Variants in ACYP2 observed in about 807,000 individuals in gnomAD.
ACYP2 encodes acylphosphatase-2.
A neutral mutation model predicts 11.2 loss-of-function variants in ACYP2; 12 were observed. The observed-to-expected ratio is 1.08, with a 90% CI of 0.69 to 1.74. The LOEUF (loss-of-function observed/expected upper bound fraction) is 1.74. Ranked by LOEUF, ACYP2 falls within the 40% of genes most tolerant of loss-of-function variation. The pLI is 0.00. For synonymous variants in ACYP2, 43 were observed against 32.2 expected, an observed-to-expected ratio of 1.33 and a Z score of -1.13; for missense variants, 134 against 101.9, an observed-to-expected ratio of 1.31 and a Z score of -1.35.
chr2:54,027,377 C>CCAGGGAAGAAATATCTTCCCT (rs1674341138), intron 2 of ACYP2, among the ~76,000 whole-genome samples: 5 of 152,126 alleles, frequency 3.3e-5, no homozygotes, highest in Non-Finnish European at 7.3e-5. Flanking sequence ...CTGTCCTGCC[C>CCAGGGAAGAAATATCTTCCCT]TGTATCCCAG....
At chr2:54,164,898 TC>T (rs1682884089) in intron 6 of ACYP2, among the ~76,000 whole-genome samples, 2 of 152,158 alleles carry the variant, frequency 1.3e-5, no homozygotes, top group Admixed American at 1.3e-4. Flanking sequence ...TGTGTGATGT[TC>T]CCCTCCCTGT....
chr2:54,017,416 G>A (rs562069925), intron 2 of ACYP2, among the ~76,000 whole-genome samples: 11 of 151,774 alleles, frequency 7.2e-5, no homozygotes, highest in African/African-American at 2.7e-4. Flanking sequence ...CACCACGCCT[G>A]GCTAATTTTT....
At chr2:54,272,639 G>A (rs1431827848) in intron 6 of ACYP2, among the ~76,000 whole-genome samples, 1 of 152,192 alleles carries the variant, frequency 6.6e-6, no homozygotes, top group African/African-American at 2.4e-5. Context: ...TCATCCAAAT[G>A]TAAGTCAGAT....
intron 6 of ACYP2, among the ~76,000 whole-genome samples, chr2:54,189,773 G>T (rs923079027): frequency 2.0e-4 from 30 of 152,098 alleles, no homozygotes; most frequent in African/African-American, 7.0e-4. Context: ...AACTTATTTA[G>T]AAGCCTCCCT....
chr2:53,989,807 C>G (rs1265368558), intron 2 of ACYP2, among the ~76,000 whole-genome samples: 1 of 152,040 alleles, frequency 6.6e-6, no homozygotes, highest in Non-Finnish European at 1.5e-5. Context: ...TAGTGGCTGC[C>G]TACAGTGGCC....
intron 2 of ACYP2, among the ~76,000 whole-genome samples, chr2:53,977,700 A>C (rs1431876416): frequency 6.9e-6 from 1 of 144,722 alleles, no homozygotes; most frequent in Non-Finnish European, 1.5e-5. Context: ...GTGCCACTGC[A>C]CTCCAGCCTG....
At chr2:54,042,094 G>A (rs568437181) in intron 2 of ACYP2, among the ~76,000 whole-genome samples, 7 of 149,028 alleles carry the variant, frequency 4.7e-5, no homozygotes, top group South Asian at 2.1e-4. Context: ...CACAACCTCC[G>A]CCCCCGAGTG....
At chr2:54,005,880 G>T (rs1292313289) in intron 2 of ACYP2, among the ~76,000 whole-genome samples, 3 of 152,262 alleles carry the variant, frequency 2.0e-5, no homozygotes, top group East Asian at 1.9e-4. Flanking sequence ...CTAGAATTTT[G>T]ATTGGAATTG....
At chr2:54,178,763 A>G (rs1683581443) in intron 6 of ACYP2, among the ~76,000 whole-genome samples, 1 of 152,310 alleles carries the variant, frequency 6.6e-6, no homozygotes, top group African/African-American at 2.4e-5. Flanking sequence ...ATAGCACCAT[A>G]ATTGAAAACA....
chr2:54,256,029 A>G, intron 6 of ACYP2: 1 of 1,614,144 alleles, frequency 6.2e-7, no homozygotes, highest in Non-Finnish European at 8.5e-7. Context: ...CCAAGCGGCC[A>G]TCAAACATAT....
chr2:54,301,682 T>C (rs1412113532), intron 6 of ACYP2, among the ~76,000 whole-genome samples: 1 of 152,040 alleles, frequency 6.6e-6, no homozygotes, highest in Non-Finnish European at 1.5e-5. Flanking sequence ...TGTATACATA[T>C]ACACGTACAT....
At chr2:54,267,464 T>C in intron 6 of ACYP2, 1 of 1,123,738 alleles carries the variant, frequency 8.9e-7, no homozygotes, top group Non-Finnish European at 1.2e-6. Context: ...GGGGGAAGAG[T>C]GGTCCTAAAG....
At chr2:54,071,538 T>G (rs1415804023) in intron 4 of ACYP2, among the ~76,000 whole-genome samples, 1 of 151,988 alleles carries the variant, frequency 6.6e-6, no homozygotes, top group Non-Finnish European at 1.5e-5. Context: ...TGGTCATAGC[T>G]CACTGCAGCC....
chr2:54,059,793 TG>T (rs1413858221), intron 4 of ACYP2, among the ~76,000 whole-genome samples: 4 of 152,230 alleles, frequency 2.6e-5, no homozygotes, highest in Admixed American at 2.6e-4. Context: ...ATGCCTTGTA[TG>T]TTTACCTGCA....
At chr2:53,981,596 G>A (rs771540556) in intron 2 of ACYP2, among the ~76,000 whole-genome samples, 1 of 152,144 alleles carries the variant, frequency 6.6e-6, no homozygotes, top group African/African-American at 2.4e-5. Context: ...CATTTGCCAC[G>A]CATAAAAAGG....
At chr2:54,188,386 T>C (rs1424887766) in intron 6 of ACYP2, among the ~76,000 whole-genome samples, 1 of 152,196 alleles carries the variant, frequency 6.6e-6, no homozygotes, top group African/African-American at 2.4e-5. Context: ...ATAACTTGAT[T>C]TCCTTGAAAT....
intron 2 of ACYP2, among the ~76,000 whole-genome samples, chr2:53,997,304 AATT>A (rs1185653476): frequency 6.6e-6 from 1 of 151,882 alleles, no homozygotes; most frequent in Non-Finnish European, 1.5e-5. Flanking sequence ...TTCTTTTTAA[AATT>A]ATTATTATTG....
At chr2:54,264,642 T>C (rs1687937447) in intron 6 of ACYP2, among the ~76,000 whole-genome samples, 1 of 152,172 alleles carries the variant, frequency 6.6e-6, no homozygotes, top group Non-Finnish European at 1.5e-5. Flanking sequence ...GGTCTGGAGA[T>C]GGGTGGATGC....
At chr2:54,219,791 A>G (rs924711319) in intron 6 of ACYP2, among the ~76,000 whole-genome samples, 27 of 128,138 alleles carry the variant, frequency 2.1e-4, no homozygotes, top group Admixed American at 7.0e-4. Flanking sequence ...GCTAATTTTT[A>G]TGTGTGTGTG....
Sources: allele counts gnomAD v4.1 joint callset (sites outside exome capture counted in the v4.1 genomes callset), GRCh38; gene constraint gnomAD v4.1.1; transcripts MANE v1.5; gene names NCBI Gene and HGNC (gene_info 2026-07-23, HGNC 2026-07-21).